MTCL1: variants seen among roughly 807,000 people sequenced by gnomAD.
The protein encoded by MTCL1 is microtubule cross-linking factor 1.
In MTCL1, 79 loss-of-function variants were observed where a neutral mutation model predicts 141.4. That is an observed-to-expected ratio of 0.56 (90% confidence interval 0.47 to 0.67). MTCL1 has a LOEUF of 0.67. Among genes scored for constraint, MTCL1 ranks in the 30% least tolerant of loss-of-function variants. MTCL1 has a pLI of 0.00. For missense variants in MTCL1, 2,177 were observed against 2,113.9 expected (o/e 1.03, Z -0.59); for synonymous variants, 914 against 875.8 (o/e 1.04, Z -0.77).
upstream of MTCL1, among the ~76,000 whole-genome samples, chr18:8,712,960 A>G (rs2096103138): frequency 3.9e-5 from 6 of 152,236 alleles, no homozygotes; most frequent in Non-Finnish European, 1.5e-5. Flanking sequence ...TAAGATTTTC[A>G]TATAGTTATT....
chr18:8,706,828 T>G (rs1404590768), intron 1 of MTCL1, 115 bp downstream of exon 1: 1 of 1,461,276 alleles, frequency 6.8e-7, no homozygotes, highest in Non-Finnish European at 9.0e-7. Context: ...CCTCCTGCTC[T>G]CCACGGTCCT....
At chr18:8,825,208 C>T (rs2076979714) in exon 15 of MTCL1, 1 of 1,594,572 alleles carries the variant, frequency 6.3e-7, no homozygotes, top group East Asian at 2.2e-5. Context: ...CCTCCAGAAC[C>T]CATGCTCAGC....
Position 8,828,493 on chromosome 18 carries a change from T to C in MTCL1, c.4723-415T>C, listed in dbSNP as rs1000453933. The stretch of plus-strand genomic sequence containing the variant: ...GAGTAAGTGGCAGTAGCTTGGCTGT[T>C]GTGACCGAAACAAACGCAGCCGTAT... On this transcript the variant is annotated intron_variant, in intron 15 of 16. Transcript: ENST00000359865. This position sits in a 1 kb window ranked among gnomAD's most constrained non-coding sequence, Gnocchi z 5.2. 7.2e-5 allele frequency among the ~76,000 whole-genome samples: 11 copies of C among 152,244 alleles called. No homozygotes were observed. The highest frequency in any genetic ancestry group is 2.7e-4 in the African/African-American group (11 of 41,460).
At chr18:8,748,520 G>A (rs555235293) in intron 4 of MTCL1, among the ~76,000 whole-genome samples, 1 of 152,150 alleles carries the variant, frequency 6.6e-6, no homozygotes, top group Admixed American at 6.5e-5. Flanking sequence ...TCTCACCTGG[G>A]TGGGTGACAA....
chr18:8,762,091 C>T (rs1433417208), intron 4 of MTCL1, among the ~76,000 whole-genome samples: 1 of 152,202 alleles, frequency 6.6e-6, no homozygotes, highest in East Asian at 1.9e-4. Context: ...TTGATGAACA[C>T]ATGGGTTATT....
exon 15 of MTCL1, chr18:8,825,013 T>C (rs766477860): frequency 5.0e-6 from 8 of 1,613,060 alleles, no homozygotes; most frequent in African/African-American, 2.7e-5. Flanking sequence ...ACGGACACCA[T>C]GACCAGCCCA....
intron 4 of MTCL1, among the ~76,000 whole-genome samples, chr18:8,748,443 T>C (rs2096352753): frequency 6.6e-6 from 1 of 152,048 alleles, no homozygotes; most frequent in South Asian, 2.1e-4. Context: ...CTTGGGAGGC[T>C]GAGATGGGAG....
At chr18:8,802,511 T>G (rs982377080) in intron 10 of MTCL1, among the ~76,000 whole-genome samples, 6 of 152,250 alleles carry the variant, frequency 3.9e-5, no homozygotes, top group African/African-American at 1.4e-4. Flanking sequence ...TAGCCAGCAT[T>G]GCATCACAGA....
At chr18:8,754,130 G>A (rs963413410) in intron 4 of MTCL1, among the ~76,000 whole-genome samples, 4 of 152,066 alleles carry the variant, frequency 2.6e-5, no homozygotes, top group Admixed American at 2.0e-4. Context: ...GAGTGCAGTG[G>A]CACTGTCTTG....
At chr18:8,745,596 T>G (rs778772349) in intron 4 of MTCL1, among the ~76,000 whole-genome samples, 1 of 152,226 alleles carries the variant, frequency 6.6e-6, no homozygotes, top group Non-Finnish European at 1.5e-5. Flanking sequence ...AAAACATGTG[T>G]CTGTGAACAT....
Position 8,705,813 on chromosome 18 carries a change from C to A in MTCL1, c.153C>A (p.Asp51Glu). The change falls in exon 1 of 14, where the codon GAC becomes GAA. Residue 51 changes from aspartate (D) to glutamate (E), a missense_variant. Physicochemically the swap from Asp to Glu is conservative, Grantham distance 45 (BLOSUM62 2). Coordinates refer to the MTCL1 transcript ENST00000306329. The surrounding 1 kb of genome is among the most constrained non-coding windows in gnomAD (Gnocchi z 5.2). Reference sequence around the variant, plus strand: ...CGCCCGCCAGACCCTTCCTCAAGGACCTGCACGCCCGGCCCGCCGCGCCCG... The same window carrying A: ...CGCCCGCCAGACCCTTCCTCAAGGAACTGCACGCCCGGCCCGCCGCGCCCG... 8.4e-7 allele frequency: 1 copy of A among 1,187,878 alleles called. No homozygotes were observed. Among genetic ancestry groups the A allele is most frequent in the Non-Finnish European group, 1.0e-6 (1 of 959,018 alleles). The allele number at this position is 1,187,878 out of a possible 1,614,324, so 73.6% of individuals were successfully genotyped here.
At chr18:8,727,169 A>G (rs2096221233) in intron 4 of MTCL1, among the ~76,000 whole-genome samples, 1 of 151,980 alleles carries the variant, frequency 6.6e-6, no homozygotes, top group South Asian at 2.1e-4. Context: ...TCCATGGTGT[A>G]TATATACCAC....
At chr18:8,735,966 C>T (rs1390461972) in intron 4 of MTCL1, among the ~76,000 whole-genome samples, 1 of 152,090 alleles carries the variant, frequency 6.6e-6, no homozygotes, top group Non-Finnish European at 1.5e-5. Context: ...GGAAATTCAG[C>T]AGTATTTGTG....
At chr18:8,777,688 C>G (rs2096516682) in intron 4 of MTCL1, 145 bp from the exon 4 acceptor site, 1 of 683,786 alleles carries the variant, frequency 1.5e-6, no homozygotes, top group Non-Finnish European at 2.5e-6. Context: ...AAGCAAGAAA[C>G]AAATTTACAC....
chr18:8,774,920 G>T (rs746542296), intron 4 of MTCL1, among the ~76,000 whole-genome samples: 1 of 152,096 alleles, frequency 6.6e-6, no homozygotes, highest in African/African-American at 2.4e-5. Context: ...AGGATGGCAG[G>T]ACTCAGGGCT....
At position 8,785,951 on chromosome 18, in the gene MTCL1, C is replaced by T. The variant is rs755063532; in HGVS notation, c.1747C>T (p.Gln583Ter). Residue 583 changes from glutamine to a stop codon, truncating the protein, a stop_gained, in exon 7 of 17, where the codon CAG becomes TAG. Transcript: ENST00000359865. LOFTEE classifies it high-confidence loss of function. ...CACCTAACAGTCCAGACTGAAAGAG[C>T]AGCTGGAGTGGCAGCTCGGGCCGGC... The T allele has an allele frequency of 6.2e-7, 1 of 1,603,634 alleles. No homozygotes were observed. The highest frequency in any genetic ancestry group is 8.5e-7 in the Non-Finnish European group (1 of 1,176,358).
At chr18:8,796,650 G>A (rs8086298) in intron 9 of MTCL1, among the ~76,000 whole-genome samples, 188 bp downstream of exon 8, 14,938 of 152,172 alleles carry the variant, frequency 0.098, 1,686 homozygotes, top group African/African-American at 0.26. Context: ...AGAAAATTGA[G>A]CACAGGTGAC....
rs371815051 is a variant in MTCL1, at chr18:8,824,851, A to C, written c.3341A>C (p.Lys1114Thr). The change falls in exon 15 of 17, where the codon AAG becomes ACG. Residue 1114 changes from lysine (K) to threonine (T), a missense_variant. By Grantham distance (78) the Lys-to-Thr change is moderately conservative (BLOSUM62 -1). Transcript: ENST00000359865. ...CTCAAGTACATCGAGGAGTTCAACA[A>C]GAGCTGGGACTACACACCCAACAGG... is the stretch of plus-strand genomic sequence containing the variant. The C allele has an allele frequency of 1.4e-4, 221 of 1,613,970 alleles. No individual in the cohort carries two copies. The highest frequency in any genetic ancestry group is 2.7e-4 in the Admixed American group (16 of 60,010).
At chr18:8,784,896 T>C in intron 6 of MTCL1, 53 bp downstream of exon 5, 1 of 1,459,028 alleles carries the variant, frequency 6.9e-7, no homozygotes, top group East Asian at 2.3e-5. Flanking sequence ...TTCCTCCTTC[T>C]CGCTGGCATT....
Sources: gnomAD v4.1 joint callset for allele counts (sites outside exome capture counted in the v4.1 genomes callset) on GRCh38, gnomAD v4.1.1 for gene constraint, Gnocchi (gnomAD v3.1) non-coding constraint, MANE v1.5 for transcripts, NCBI Gene and HGNC (gene_info 2026-07-23, HGNC 2026-07-21) for gene names.